C4orf36: variants seen among roughly 807,000 people sequenced by gnomAD.
C4orf36 encodes the protein chromosome 4 open reading frame 36.
A neutral mutation model predicts 12.2 loss-of-function variants in C4orf36; 11 were observed. That is an observed-to-expected ratio of 0.90 (90% CI 0.57 to 1.49). The LOEUF (loss-of-function observed/expected upper bound fraction) is 1.49, where lower values mean the gene tolerates loss of function less well. Ranked by LOEUF, C4orf36 falls within the 40% of genes most tolerant of loss-of-function variation. C4orf36 has a pLI of 0.00. For synonymous variants in C4orf36, 54 were observed against 51.3 expected (o/e 1.05, Z -0.22); for missense variants, 137 against 133.9 (o/e 1.02, Z -0.11).
intron 4 of C4orf36, among the ~76,000 whole-genome samples, chr4:86,883,726 A>C (rs1468822654): frequency 6.6e-6 from 1 of 152,176 alleles, no homozygotes; most frequent in Non-Finnish European, 1.5e-5. Flanking sequence ...AATGAAATGA[A>C]GCTAAGATAC....
chr4:86,883,202 G>A (rs1182313651), intron 4 of C4orf36, among the ~76,000 whole-genome samples: 1 of 136,438 alleles, frequency 7.3e-6, no homozygotes, highest in Non-Finnish European at 1.7e-5. Flanking sequence ...TGACATTTTT[G>A]CACACAAATT....
At chr4:86,930,390 T>A in the C4orf36 span, among the ~76,000 whole-genome samples, 1 of 152,270 alleles carries the variant, frequency 6.6e-6, no homozygotes. Context: ...ATGGAAGAGC[T>A]GAGTTCAAAT....
chr4:86,876,433 C>T lies in C4orf36; in HGVS notation c.*13G>A, dbSNP rs1746931026. ...CTGCTGAGTTTCTTCATCTACAATC[C>T]GCGCTTCAGGCTGCGCAAAGGAGAG... On this transcript the variant is annotated 3_prime_UTR_variant, in exon 5 of 5. Coordinates refer to ENST00000295898, the MANE Select transcript of C4orf36 (RefSeq NM_144645.4). The T allele has an allele frequency of 6.2e-7, 1 of 1,613,262 alleles. No homozygotes were observed. Among genetic ancestry groups the T allele is most frequent in the Non-Finnish European group, 8.5e-7 (1 of 1,179,492 alleles).
At chr4:86,914,684 A>G in the C4orf36 span, 1 of 360,172 alleles carries the variant, frequency 2.8e-6, no homozygotes. Flanking sequence ...TATAGGCGTG[A>G]GCCACAGCGC....
intron 4 of C4orf36, among the ~76,000 whole-genome samples, chr4:86,886,014 T>A (rs1747170258): frequency 6.6e-6 from 1 of 152,202 alleles, no homozygotes; most frequent in Admixed American, 6.5e-5. Flanking sequence ...TTGATTTGCG[T>A]ATGTTGAACC....
the C4orf36 span, chr4:86,914,384 C>CTTCTT: frequency 2.0e-6 from 1 of 511,470 alleles, no homozygotes; most frequent in Non-Finnish European, 3.5e-6. Context: ...TCCCGTTCTT[C>CTTCTT]TTCTTCCTTT....
upstream of C4orf36, among the ~76,000 whole-genome samples, chr4:86,895,409 C>T (rs1578783609): frequency 6.6e-6 from 1 of 152,132 alleles, no homozygotes; most frequent in East Asian, 1.9e-4. Context: ...GCAATAGATA[C>T]CACTAAATAT....
upstream of C4orf36, among the ~76,000 whole-genome samples, chr4:86,894,198 T>C (rs942331131): frequency 1.2e-4 from 18 of 152,134 alleles, no homozygotes; most frequent in Non-Finnish European, 2.4e-4. Context: ...CGCCCGGTCT[T>C]TGGCCGGAAT....
the C4orf36 span, among the ~76,000 whole-genome samples, chr4:86,916,565 C>T: frequency 6.6e-6 from 1 of 152,022 alleles, no homozygotes; most frequent in Non-Finnish European, 1.5e-5. Context: ...AACACTGACC[C>T]CTGATATGGC....
At chr4:86,894,717 A>G (rs576586874), upstream of C4orf36, among the ~76,000 whole-genome samples, 2 of 152,306 alleles carry the variant, frequency 1.3e-5, no homozygotes, top group East Asian at 3.9e-4. Context: ...TAAGGTCATA[A>G]AAGGTATTGT....
chr4:86,891,699 T>C (rs1747423983), intron 1 of C4orf36, 106 bp from the exon 2 acceptor site: 8 of 1,071,606 alleles, frequency 7.5e-6, no homozygotes, highest in East Asian at 2.7e-5. Flanking sequence ...TAAGTGTTCA[T>C]TGAACTGGAA....
chr4:86,916,498 C>T, the C4orf36 span, among the ~76,000 whole-genome samples: 3 of 151,916 alleles, frequency 2.0e-5, no homozygotes, highest in African/African-American at 7.3e-5. Flanking sequence ...AGCTCCTAAT[C>T]AAGATTAGCC....
chr4:86,931,566 T>A, the C4orf36 span, among the ~76,000 whole-genome samples: 1 of 152,032 alleles, frequency 6.6e-6, no homozygotes, highest in Non-Finnish European at 1.5e-5. Flanking sequence ...GCCTAGCTAA[T>A]TTTTTTGCTT....
the C4orf36 span, among the ~76,000 whole-genome samples, chr4:86,906,201 T>C: frequency 6.6e-6 from 1 of 152,118 alleles, no homozygotes; most frequent in African/African-American, 2.4e-5. Flanking sequence ...CAAATTCTAA[T>C]GATTAGGAAG....
chr4:86,881,739 T>C (rs1747059955), intron 4 of C4orf36, among the ~76,000 whole-genome samples: 1 of 151,996 alleles, frequency 6.6e-6, no homozygotes. Flanking sequence ...AATGGTGTGA[T>C]CTTGGCTCAC....
the C4orf36 span, chr4:86,935,730 C>T: frequency 2.0e-5 from 3 of 152,142 alleles, no homozygotes; most frequent in Non-Finnish European, 2.9e-5. Flanking sequence ...CGCCGCGTCT[C>T]GCTGAGAGCA....
the C4orf36 span, chr4:86,934,760 C>G: frequency 6.6e-6 from 1 of 152,296 alleles, no homozygotes; most frequent in South Asian, 2.1e-4. Context: ...CCCACAGCAG[C>G]CCGGGGCAGG....
chr4:86,919,119 GGAGAGAGAGAGAGA>G, the C4orf36 span, among the ~76,000 whole-genome samples: 2 of 145,354 alleles, frequency 1.4e-5, no homozygotes, highest in East Asian at 2.1e-4. Context: ...CCCAGCTCCA[GGAGAGAGAGAGAGA>G]GAGAGAGAGA....
chr4:86,922,095 CA>C, the C4orf36 span, among the ~76,000 whole-genome samples: 1 of 151,888 alleles, frequency 6.6e-6, no homozygotes, highest in Non-Finnish European at 1.5e-5. Flanking sequence ...AAGGATAATT[CA>C]AAAAAACACA....
Sources: allele counts gnomAD v4.1 joint callset (sites outside exome capture counted in the v4.1 genomes callset), GRCh38; gene constraint gnomAD v4.1.1; transcripts MANE v1.5; gene names NCBI Gene and HGNC (gene_info 2026-07-23, HGNC 2026-07-21).